The following CNBD1 variants were observed in gnomAD, a reference collection of about 807,000 sequenced individuals.
CNBD1 encodes cyclic nucleotide binding domain containing 1, also known as cyclic nucleotide-binding domain-containing protein 1.
In CNBD1, 71 loss-of-function variants were observed where a neutral mutation model predicts 54.4. The observed-to-expected ratio is 1.30, with a 90% confidence interval of 1.08 to 1.59. The LOEUF is 1.59. CNBD1 is among the 40% of genes most tolerant of loss of function. The pLI is 0.00. For synonymous variants in CNBD1, 182 were observed against 170.7 expected (o/e 1.07, Z -0.51); for missense variants, 659 against 518.0 (o/e 1.27, Z -2.64).
chr8:86,939,558 G>T (rs779957875), intron 3 of CNBD1, 38 bp from the exon 4 acceptor site: 13 of 1,464,540 alleles, frequency 8.9e-6, no homozygotes, highest in Non-Finnish European at 1.2e-5. Context: ...TTTTTATGCA[G>T]TATACAACAG....
chr8:87,306,806 C>G (rs1809161317), intron 8 of CNBD1, among the ~76,000 whole-genome samples: 1 of 152,024 alleles, frequency 6.6e-6, no homozygotes, highest in Non-Finnish European at 1.5e-5. Flanking sequence ...AAATATGGTG[C>G]AGTGTATACT....
chr8:87,422,247 T>G (rs1807953138), intron 2 of CNBD1, among the ~76,000 whole-genome samples: 1 of 146,006 alleles, frequency 6.8e-6, no homozygotes, highest in Non-Finnish European at 1.5e-5. Flanking sequence ...TGATGGTAGT[T>G]TCTTTTGCTG....
In CNBD1 at chr8:87,327,116, G is replaced by A. The variant is rs1157115557; in HGVS notation, c.1043-24569G>A. On this transcript the variant is annotated intron_variant, in intron 8 of 10. Transcript: ENST00000518476. ...GGGGTGCCTCCCAGTTAGGCTGCTC[G>A]GGGGTCAGGGGTCAGGGACCCACTT... is the stretch of plus-strand genomic sequence containing the variant. Among the ~76,000 whole-genome samples, 102 of 144,960 alleles carry A rather than the reference G, an allele frequency of 7.0e-4. No homozygotes were observed. The East Asian group carries it at 0.014, about 21-fold the overall frequency.
intron 4 of CNBD1, among the ~76,000 whole-genome samples, chr8:87,129,684 C>G (rs1455276068): frequency 6.6e-6 from 1 of 152,040 alleles, no homozygotes; most frequent in East Asian, 1.9e-4. Flanking sequence ...TTAAAGATAT[C>G]TATTTCTTTC....
At chr8:87,300,521 G>A (rs2130881650) in intron 8 of CNBD1, among the ~76,000 whole-genome samples, 1 of 152,216 alleles carries the variant, frequency 6.6e-6, no homozygotes, top group Non-Finnish European at 1.5e-5. Flanking sequence ...TGGTACGTTA[G>A]GGCCACTAGC....
intron 10 of CNBD1, among the ~76,000 whole-genome samples, chr8:87,381,274 T>C (rs1197167331): frequency 1.3e-5 from 2 of 152,108 alleles, no homozygotes; most frequent in Admixed American, 1.3e-4. Context: ...CCAGCATGTG[T>C]ATTTTTAAAA....
At chr8:87,095,532 G>A (rs1206734266) in intron 4 of CNBD1, among the ~76,000 whole-genome samples, 6 of 152,160 alleles carry the variant, frequency 3.9e-5, no homozygotes, top group Non-Finnish European at 8.8e-5. Context: ...ATATTTACTA[G>A]AGTATGTGTC....
intron 8 of CNBD1, among the ~76,000 whole-genome samples, chr8:87,300,042 C>T (rs1000142170): frequency 6.6e-6 from 1 of 152,016 alleles, no homozygotes; most frequent in Non-Finnish European, 1.5e-5. Flanking sequence ...GTTTTCTTAG[C>T]CCATTGGACA....
chr8:87,337,224 C>G (rs10101169), intron 8 of CNBD1, among the ~76,000 whole-genome samples: 40,932 of 152,050 alleles, frequency 0.27, 6,456 homozygotes, highest in Middle Eastern at 0.41. Context: ...TTTGGCTGTC[C>G]CTTGGTGGAG....
At chr8:87,414,403 AG>A (rs1807803266) in intron 2 of CNBD1, among the ~76,000 whole-genome samples, 1 of 152,136 alleles carries the variant, frequency 6.6e-6, no homozygotes, top group South Asian at 2.1e-4. Flanking sequence ...GGATAGCATT[AG>A]GAGATATACC....
At chr8:86,888,449 G>T (rs2131788513) in intron 2 of CNBD1, among the ~76,000 whole-genome samples, 1 of 152,130 alleles carries the variant, frequency 6.6e-6, no homozygotes, top group East Asian at 1.9e-4. Flanking sequence ...ACACTCCCGA[G>T]ACCTATTGCC....
intron 8 of CNBD1, among the ~76,000 whole-genome samples, chr8:87,319,773 T>A (rs1409471684): frequency 1.3e-5 from 2 of 151,890 alleles, no homozygotes; most frequent in Non-Finnish European, 2.9e-5. Context: ...AGTAGTAGGG[T>A]TTGAATTAAC....
intron 8 of CNBD1, among the ~76,000 whole-genome samples, chr8:87,303,741 A>G (rs1809074713): frequency 7.0e-6 from 1 of 143,766 alleles, no homozygotes; most frequent in African/African-American, 2.6e-5. Context: ...TACTGATCTG[A>G]CAAAGAGCTA....
At chr8:87,071,210 C>T (rs1374143499) in intron 4 of CNBD1, among the ~76,000 whole-genome samples, 2 of 151,918 alleles carry the variant, frequency 1.3e-5, no homozygotes, top group Non-Finnish European at 1.5e-5. Flanking sequence ...ATATAAATTT[C>T]TCAAGGTTTA....
rs557543441 is a variant in CNBD1 at position 87,172,796 on chromosome 8, A to C, written c.432-33197A>C. On this transcript the variant is annotated intron_variant, in intron 4 of 10. Transcript: ENST00000518476. Reference sequence around the variant, plus strand: ...TTGAAGTGTGTTTCTTGTAGGCAACAGATTGGGTTTTTCTTTTTACTGTCC... The same window carrying C: ...TTGAAGTGTGTTTCTTGTAGGCAACCGATTGGGTTTTTCTTTTTACTGTCC... Among the ~76,000 whole-genome samples the C allele has an allele frequency of 2.6e-5, 4 of 152,048 alleles. No homozygotes were observed. In the East Asian group the frequency reaches 7.7e-4, roughly 29 times the overall value.
intron 4 of CNBD1, among the ~76,000 whole-genome samples, chr8:86,998,836 A>G (rs1808934521): frequency 6.6e-6 from 1 of 152,172 alleles, no homozygotes; most frequent in Non-Finnish European, 1.5e-5. Flanking sequence ...TCCACATTTT[A>G]CAGGTAGATT....
intron 4 of CNBD1, among the ~76,000 whole-genome samples, chr8:87,028,585 G>A (rs1187253008): frequency 2.6e-5 from 4 of 152,182 alleles, no homozygotes; most frequent in Admixed American, 6.5e-5. Flanking sequence ...CTCCCTGACT[G>A]ATTAAAACTA....
At chr8:87,258,818 T>A (rs370264715) in intron 6 of CNBD1, among the ~76,000 whole-genome samples, 15 of 152,336 alleles carry the variant, frequency 9.8e-5, no homozygotes, top group African/African-American at 3.4e-4. Flanking sequence ...GAAAACCCTG[T>A]TGTGCTTTTA....
chr8:87,298,664 T>G (rs1808926926), intron 8 of CNBD1, among the ~76,000 whole-genome samples: 2 of 151,734 alleles, frequency 1.3e-5, no homozygotes, highest in Admixed American at 1.3e-4. Context: ...TTTTGTAGTT[T>G]TAGTAGAGAT....
Sources: allele counts gnomAD v4.1 joint callset (sites outside exome capture counted in the v4.1 genomes callset), GRCh38; gene constraint gnomAD v4.1.1; transcripts MANE v1.5; gene names NCBI Gene and HGNC (gene_info 2026-07-23, HGNC 2026-07-21).